The following PIK3C2G variants were observed in gnomAD, a reference collection of about 807,000 sequenced individuals.
PIK3C2G encodes the protein phosphatidylinositol 3-kinase C2 domain-containing subunit gamma.
In PIK3C2G, 168 loss-of-function variants were observed where a neutral mutation model predicts 181.1. That is an observed-to-expected ratio of 0.93 (90% confidence interval 0.82 to 1.05). The LOEUF (loss-of-function observed/expected upper bound fraction) is 1.05, where lower values mean the gene tolerates loss of function less well. Ranked by LOEUF, PIK3C2G falls within the 50% of genes least tolerant of loss-of-function variation. The pLI is 0.00. For synonymous variants in PIK3C2G, 573 were observed against 592.2 expected, an observed-to-expected ratio of 0.97 and a Z score of 0.47; for missense variants, 1,869 against 1,732.8, an observed-to-expected ratio of 1.08 and a Z score of -1.40.
intron 17 of PIK3C2G, among the ~76,000 whole-genome samples, chr12:18,422,220 A>G (rs1334448767): frequency 6.6e-6 from 1 of 152,102 alleles, no homozygotes; most frequent in Non-Finnish European, 1.5e-5. Context: ...CAGCAAATAC[A>G]CAGAAGGCAA....
At chr12:18,401,602 G>T (rs989190237) in intron 16 of PIK3C2G, among the ~76,000 whole-genome samples, 2 of 152,014 alleles carry the variant, frequency 1.3e-5, no homozygotes, top group Non-Finnish European at 2.9e-5. Flanking sequence ...CAGAATAAGA[G>T]AAAATAAATA....
chr12:18,471,135 A>G lies in PIK3C2G; in HGVS notation c.2505-17314A>G, dbSNP rs915922040. On this transcript the variant is annotated intron_variant, in intron 18 of 32. Coordinates refer to ENST00000538779, the MANE Select transcript of PIK3C2G (RefSeq NM_001288772.2). ...AATTATCTGAAAAGAAACAAATGAA[A>G]AAACTTGTACTCATTTTGACAGACT... Among the ~76,000 whole-genome samples the G allele has an allele frequency of 5.3e-5, 8 of 152,108 alleles. No homozygotes were observed. In the East Asian group the frequency reaches 1.6e-3, roughly 29 times the overall value.
chr12:18,513,383 T>TC (rs1026954781), intron 24 of PIK3C2G, among the ~76,000 whole-genome samples: 41 of 151,490 alleles, frequency 2.7e-4, no homozygotes, highest in African/African-American at 9.2e-4. Flanking sequence ...ATTCTTTTTT[T>TC]TTTATGTTTG....
intron 14 of PIK3C2G, among the ~76,000 whole-genome samples, chr12:18,390,358 C>A (rs1024258724): frequency 2.6e-5 from 4 of 151,854 alleles, no homozygotes; most frequent in African/African-American, 7.3e-5. Flanking sequence ...ATGAAAAAAA[C>A]CCAGTATGTG....
intron 31 of PIK3C2G, among the ~76,000 whole-genome samples, chr12:18,612,725 A>T (rs911911407): frequency 6.6e-6 from 1 of 152,174 alleles, no homozygotes; most frequent in Non-Finnish European, 1.5e-5. Flanking sequence ...ATGTTCCCAT[A>T]CCAAAATAAT....
At chr12:18,700,328 G>A in the PIK3C2G span, among the ~76,000 whole-genome samples, 2 of 151,416 alleles carry the variant, frequency 1.3e-5, no homozygotes, top group South Asian at 4.2e-4. Flanking sequence ...TCACAACCTG[G>A]CATCTATTTC....
Position 18,362,887 on chromosome 12 carries a change from G to A in PIK3C2G, c.1748+1G>A, listed in dbSNP as rs182471631. The A allele has an allele frequency of 5.7e-5, 86 of 1,496,240 alleles. No individual in the cohort carries two copies. In the East Asian group the frequency reaches 1.5e-3, roughly 26 times the overall value. The allele number at this position is 1,496,240 out of a possible 1,614,324, so 92.7% of individuals were successfully genotyped here. ...TTTTCTTGGTCAACTGGAATGAAAC[G>A]TAAGTTTAATCTTTACTGTATCTGG... is the stretch of plus-strand genomic sequence containing the variant. On this transcript the variant is annotated splice_donor_variant, in intron 12 of 32. Coordinates refer to ENST00000538779, the MANE Select transcript of PIK3C2G (RefSeq NM_001288772.2). LOFTEE classifies it high-confidence loss of function.
intron 18 of PIK3C2G, among the ~76,000 whole-genome samples, chr12:18,485,301 G>A (rs767572366): frequency 2.0e-5 from 3 of 152,092 alleles, no homozygotes; most frequent in South Asian, 2.1e-4. Flanking sequence ...CAGAAGCAGC[G>A]ACATGCATGA....
In PIK3C2G at chr12:18,273,371, T is replaced by G. The variant is rs375034930; in HGVS notation, c.-78-8633T>G. Among the ~76,000 whole-genome samples, 225 of 152,322 alleles carry G rather than the reference T, an allele frequency of 1.5e-3. 1 individual carries two copies. Among genetic ancestry groups the G allele is most frequent in the African/African-American group, 5.2e-3 (217 of 41,578 alleles). ...ACCAGTACCATGCTGTTTTGGTTAC[T>G]GTAGCCTTGTAGTATAGTTTGAAGT... On this transcript the variant is annotated intron_variant, in intron 1 of 32. Coordinates refer to ENST00000538779, the MANE Select transcript of PIK3C2G (RefSeq NM_001288772.2).
At chr12:18,634,018 G>A (rs1217686263) in intron 31 of PIK3C2G, among the ~76,000 whole-genome samples, 1 of 152,060 alleles carries the variant, frequency 6.6e-6, no homozygotes, top group Non-Finnish European at 1.5e-5. Flanking sequence ...GCCATATATT[G>A]GATGCTGGTT....
intron 18 of PIK3C2G, among the ~76,000 whole-genome samples, chr12:18,464,205 C>A (rs1156973426): frequency 6.6e-6 from 1 of 152,066 alleles, no homozygotes; most frequent in Non-Finnish European, 1.5e-5. Flanking sequence ...TCAACGCTAG[C>A]AGATTTAGTG....
rs114698816 is a variant in PIK3C2G at position 18,418,789 on chromosome 12, C to T, written c.2316-2152C>T. 6.3e-3 allele frequency among the ~76,000 whole-genome samples: 965 copies of T among 152,126 alleles called. 10 individuals carry two copies. The highest frequency in any genetic ancestry group is 0.022 in the African/African-American group (930 of 41,512). On this transcript the variant is annotated intron_variant, in intron 16 of 32. Coordinates refer to ENST00000538779, the MANE Select transcript of PIK3C2G (RefSeq NM_001288772.2). ...AGGGAACCATAACTAAATGAGCCTG[C>T]CCTCAATGATGTATATAATATAGAA... is the stretch of plus-strand genomic sequence containing the variant.
intron 26 of PIK3C2G, among the ~76,000 whole-genome samples, chr12:18,559,817 TATATAGAGAGAG>T (rs1370805547): frequency 2.3e-4 from 5 of 22,168 alleles, no homozygotes; most frequent in African/African-American, 6.5e-4. Context: ...TATATATATA[TATATAGAGAGAG>T]AGAGAGAGAG....
chr12:18,645,279 C>A (rs576207461), intron 32 of PIK3C2G, among the ~76,000 whole-genome samples: 1 of 149,714 alleles, frequency 6.7e-6, no homozygotes, highest in Non-Finnish European at 1.5e-5. Flanking sequence ...ATTCTTTGCT[C>A]AGTTGAAAAG....
chr12:18,379,488 AG>A, intron 13 of PIK3C2G, among the ~76,000 whole-genome samples: 1 of 152,178 alleles, frequency 6.6e-6, no homozygotes, highest in East Asian at 1.9e-4. Context: ...CGTTGTGCAC[AG>A]GTACCTTAGA....
At chr12:18,656,275 A>T in the PIK3C2G span, among the ~76,000 whole-genome samples, 1 of 151,872 alleles carries the variant, frequency 6.6e-6, no homozygotes, top group Non-Finnish European at 1.5e-5. Context: ...CCAAAAAAGC[A>T]TTAAAAAATA....
intron 9 of PIK3C2G, 115 bp downstream of exon 9, chr12:18,338,663 CTGTGTG>C (rs199613361): frequency 0.097 from 40,084 of 411,400 alleles, 619 homozygotes; most frequent in East Asian, 0.15. Flanking sequence ...TTGTGTGTAT[CTGTGTG>C]TGTGTGTGTG....
chr12:18,304,071 T>C (rs113914791), intron 5 of PIK3C2G, among the ~76,000 whole-genome samples: 4,576 of 152,270 alleles, frequency 0.03, 230 homozygotes, highest in African/African-American at 0.1. Context: ...ATGATCTTCT[T>C]ATCTACTTGA....
chr12:18,681,245 CGTAA>C, the PIK3C2G span, among the ~76,000 whole-genome samples: 2 of 152,040 alleles, frequency 1.3e-5, no homozygotes, highest in South Asian at 4.1e-4. Flanking sequence ...TGTAAAGAAG[CGTAA>C]GTCAGGGAAT....
Sources: allele counts gnomAD v4.1 joint callset (sites outside exome capture counted in the v4.1 genomes callset), GRCh38; gene constraint gnomAD v4.1.1; transcripts MANE v1.5; gene names NCBI Gene and HGNC (gene_info 2026-07-23, HGNC 2026-07-21).